Variants in SLC10A7 observed in about 807,000 individuals in gnomAD.
The protein encoded by SLC10A7 is solute carrier family 10 member 7, also known as sodium/bile acid cotransporter 7.
SLC10A7 carries 29 observed loss-of-function variants against 43.2 expected under a neutral mutation model. The ratio of observed to expected loss-of-function variants is 0.67; its 90% CI spans 0.50 to 0.92. The LOEUF is 0.92. Among genes scored for constraint, SLC10A7 ranks in the 40% least tolerant of loss-of-function variants. SLC10A7 has a pLI of 0.00. For synonymous variants in SLC10A7, 152 were observed against 144.8 expected, an observed-to-expected ratio of 1.05 and a Z score of -0.35; for missense variants, 295 against 403.2, an observed-to-expected ratio of 0.73 and a Z score of 2.30.
rs879614752 is a variant in SLC10A7, at chr4:146,354,576, G to A, written c.436-28580C>T. ...ATGGAACCAAAAAAGAGCCCGCATC[G>A]CCAAGTCAATCCTAAGCCAAAAGAA... is the stretch of plus-strand genomic sequence containing the variant. On this transcript the variant is annotated intron_variant, in intron 5 of 11. Transcript: ENST00000335472. 7.4e-3 allele frequency among the ~76,000 whole-genome samples: 1,090 copies of A among 147,840 alleles called. 5 individuals are homozygous for A. Among genetic ancestry groups the A allele is most frequent in the South Asian group, 0.041 (186 of 4,506 alleles).
chr4:146,477,323 C>T (rs1382280157), intron 4 of SLC10A7, among the ~76,000 whole-genome samples: 1 of 152,196 alleles, frequency 6.6e-6, no homozygotes, highest in Non-Finnish European at 1.5e-5. Flanking sequence ...AAGGCTTTTA[C>T]ACACTTTTGT....
chr4:146,398,033 T>C (rs143724537), intron 5 of SLC10A7, among the ~76,000 whole-genome samples: 1 of 152,352 alleles, frequency 6.6e-6, no homozygotes, highest in East Asian at 1.9e-4. Flanking sequence ...CAAAGATTTA[T>C]TGACGTAGCA....
At chr4:146,503,744 G>A (rs1579357697) in intron 4 of SLC10A7, 105 bp downstream of exon 4, 33 of 969,288 alleles carry the variant, frequency 3.4e-5, no homozygotes. Flanking sequence ...GCTATGGCTA[G>A]GAGTTTTCTG....
intron 5 of SLC10A7, among the ~76,000 whole-genome samples, chr4:146,335,447 G>A (rs941842603): frequency 2.6e-5 from 4 of 151,910 alleles, no homozygotes; most frequent in Admixed American, 2.6e-4. Context: ...AAGGAATACT[G>A]AGCTTAGGGA....
chr4:146,292,422 GA>G (rs1013243364), intron 9 of SLC10A7, among the ~76,000 whole-genome samples: 3 of 149,074 alleles, frequency 2.0e-5, no homozygotes, highest in Admixed American at 1.3e-4. Flanking sequence ...TCGGGAAATT[GA>G]AAAAAAAATG....
At chr4:146,311,979 A>C (rs990412010) in intron 6 of SLC10A7, among the ~76,000 whole-genome samples, 14 of 152,184 alleles carry the variant, frequency 9.2e-5, no homozygotes, top group African/African-American at 3.4e-4. Flanking sequence ...AAAATTGTCA[A>C]GTAAATGTAT....
intron 5 of SLC10A7, among the ~76,000 whole-genome samples, chr4:146,397,165 T>C (rs1203769202): frequency 3.3e-5 from 5 of 152,192 alleles, no homozygotes; most frequent in Non-Finnish European, 5.9e-5. Flanking sequence ...ATCATATTTA[T>C]GATATTTACG....
intron 6 of SLC10A7, among the ~76,000 whole-genome samples, chr4:146,319,683 G>A (rs532415612): frequency 6.6e-6 from 1 of 151,918 alleles, no homozygotes; most frequent in Non-Finnish European, 1.5e-5. Context: ...TAACTTTTTT[G>A]AGGAATTCTG....
intron 4 of SLC10A7, among the ~76,000 whole-genome samples, chr4:146,489,011 C>T (rs1325164090): frequency 6.6e-6 from 1 of 152,148 alleles, no homozygotes; most frequent in African/African-American, 2.4e-5. Context: ...AAGAAGCACA[C>T]ATTCCCTGCC....
intron 6 of SLC10A7, among the ~76,000 whole-genome samples, chr4:146,323,705 G>T (rs955329689): frequency 1.4e-4 from 21 of 152,062 alleles, no homozygotes; most frequent in African/African-American, 5.1e-4. Context: ...TGGCAATGTG[G>T]GCTCTTTTTT....
chr4:146,518,713 A>G (rs1009210913), intron 1 of SLC10A7, among the ~76,000 whole-genome samples: 1 of 152,116 alleles, frequency 6.6e-6, no homozygotes, highest in African/African-American at 2.4e-5. Flanking sequence ...ATTTGGACAC[A>G]GACACATGCA....
chr4:146,312,704 CCTAG>C (rs1732063311), intron 6 of SLC10A7, among the ~76,000 whole-genome samples: 1 of 152,098 alleles, frequency 6.6e-6, no homozygotes, highest in Admixed American at 6.6e-5. Context: ...GTTTATTTCA[CCTAG>C]CATAATGTCC....
chr4:146,301,837 A>T (rs754738974), intron 7 of SLC10A7, among the ~76,000 whole-genome samples: 2 of 152,176 alleles, frequency 1.3e-5, no homozygotes, highest in African/African-American at 2.4e-5. Context: ...AGGTAGATGC[A>T]AGCATATAGG....
At chr4:146,519,112 TA>T (rs796363964) in intron 1 of SLC10A7, among the ~76,000 whole-genome samples, 18 of 15,928 alleles carry the variant, frequency 1.1e-3, no homozygotes, top group South Asian at 2.8e-3. Context: ...TATATATATA[TA>T]ATATAATATA....
At chr4:146,300,998 T>C (rs1013839542) in intron 7 of SLC10A7, among the ~76,000 whole-genome samples, 1 of 152,194 alleles carries the variant, frequency 6.6e-6, no homozygotes, top group Non-Finnish European at 1.5e-5. Context: ...TAAGTATACC[T>C]ATAAATAGTA....
intron 1 of SLC10A7, among the ~76,000 whole-genome samples, chr4:146,517,635 T>C (rs185288254): frequency 6.6e-6 from 1 of 152,284 alleles, no homozygotes; most frequent in East Asian, 1.9e-4. Flanking sequence ...ACCGTGGCTG[T>C]CTTGCTCAGC....
At chr4:146,412,676 A>C (rs1728282283) in intron 5 of SLC10A7, among the ~76,000 whole-genome samples, 1 of 152,184 alleles carries the variant, frequency 6.6e-6, no homozygotes, top group Non-Finnish European at 1.5e-5. Context: ...ACACAATTTT[A>C]TATGGATGAT....
chr4:146,357,253 T>C (rs1735724280), intron 5 of SLC10A7, among the ~76,000 whole-genome samples: 1 of 152,232 alleles, frequency 6.6e-6, no homozygotes, highest in African/African-American at 2.4e-5. Context: ...GTAACATTTA[T>C]TCCTTATTTT....
At chr4:146,274,493 C>T (rs879880936) in intron 10 of SLC10A7, among the ~76,000 whole-genome samples, 6 of 152,052 alleles carry the variant, frequency 3.9e-5, no homozygotes, top group East Asian at 3.9e-4. Context: ...CATGAGCCAC[C>T]GTGCCTGGCC....
Sources: allele counts gnomAD v4.1 joint callset (sites outside exome capture counted in the v4.1 genomes callset), GRCh38; gene constraint gnomAD v4.1.1; transcripts MANE v1.5; gene names NCBI Gene and HGNC (gene_info 2026-07-23, HGNC 2026-07-21).